SEC23IP: variants seen among roughly 807,000 people sequenced by gnomAD.
SEC23IP encodes SEC23-interacting protein.
A neutral mutation model predicts 113.4 loss-of-function variants in SEC23IP; 70 were observed. The ratio of observed to expected loss-of-function variants is 0.62; its 90% CI spans 0.51 to 0.75. The LOEUF is 0.75. Ranked by LOEUF, SEC23IP falls within the 30% of genes least tolerant of loss-of-function variation. The pLI is 0.00. For synonymous variants in SEC23IP, 398 were observed against 421.0 expected, an observed-to-expected ratio of 0.95 and a Z score of 0.67; for missense variants, 1,160 against 1,204.9, an observed-to-expected ratio of 0.96 and a Z score of 0.55.
chr10:119,914,629 G>T, intron 6 of SEC23IP, 101 bp from the exon 7 acceptor site: 1 of 897,318 alleles, frequency 1.1e-6, no homozygotes. Context: ...GAATTTCTTT[G>T]GCAAGTTTGT....
At chr10:119,931,719 A>C (rs1174507764) in intron 15 of SEC23IP, among the ~76,000 whole-genome samples, 2 of 151,722 alleles carry the variant, frequency 1.3e-5, no homozygotes, top group African/African-American at 2.4e-5. Flanking sequence ...CGCCCGGCTA[A>C]TTTTTTGTAT....
chr10:119,896,025 G>A (rs369408965), intron 1 of SEC23IP, among the ~76,000 whole-genome samples: 4 of 152,170 alleles, frequency 2.6e-5, no homozygotes, highest in African/African-American at 9.7e-5. Flanking sequence ...TTCTCTAGTC[G>A]CACTGGAATA....
In SEC23IP at chr10:119,897,835, T is replaced by TA. The variant is rs35316281; in HGVS notation, c.164-580dup. ...CAACATGGTGAAACTTCATCTCTAC[T>TA]AAAAAAAAAAAATACAAAAATTAGC... On this transcript the variant is annotated intron_variant, in intron 1 of 18. Coordinates refer to ENST00000369075, the MANE Select transcript of SEC23IP (RefSeq NM_007190.4). 3.1e-3 allele frequency among the ~76,000 whole-genome samples: 452 copies of TA among 144,390 alleles called. 1 individual carries two copies. Among genetic ancestry groups the TA allele is most frequent in the African/African-American group, 9.7e-3 (384 of 39,540 alleles). The allele number at this position is 144,390 out of a possible 152,430, so 94.7% of individuals were successfully genotyped here.
intron 4 of SEC23IP, among the ~76,000 whole-genome samples, chr10:119,906,301 A>G (rs1854662940): frequency 1.4e-5 from 2 of 139,706 alleles, no homozygotes; most frequent in African/African-American, 5.4e-5. Flanking sequence ...AAAAAAAAAA[A>G]GAAACGGAGC....
intron 12 of SEC23IP, among the ~76,000 whole-genome samples, chr10:119,924,040 G>A (rs573047941): frequency 3.9e-5 from 6 of 152,326 alleles, no homozygotes; most frequent in African/African-American, 1.4e-4. Context: ...CCCTGAAAAT[G>A]TTCCTTATTT....
chr10:119,905,962 A>G (rs570430050), intron 4 of SEC23IP, among the ~76,000 whole-genome samples: 299 of 152,238 alleles, frequency 2.0e-3, no homozygotes, highest in African/African-American at 6.9e-3. Context: ...AACACTGAAG[A>G]ACGTAAAAGG....
chr10:119,929,691 CGAG>C lies in SEC23IP; in HGVS notation c.2402_2404del (p.Gly801del). 6.2e-7 allele frequency: 1 copy of C among 1,602,268 alleles called. No homozygotes were observed. The highest frequency in any genetic ancestry group is 8.6e-7 in the Non-Finnish European group (1 of 1,169,242). Reference sequence around the variant, plus strand: ...TCCAATTGCTATGTTTCTCACTATTCGAGGAGTTGATAGGATAGATGAGAATTA... The same window carrying C: ...TCCAATTGCTATGTTTCTCACTATTCGAGTTGATAGGATAGATGAGAATTA... On this transcript the variant is annotated inframe_deletion, in exon 14 of 19. Coordinates refer to ENST00000369075, the MANE Select transcript of SEC23IP (RefSeq NM_007190.4).
At chr10:119,930,259 G>A in intron 14 of SEC23IP, 70 bp from the exon 15 acceptor site, 2 of 809,298 alleles carry the variant, frequency 2.5e-6, no homozygotes, top group Middle Eastern at 2.7e-4. Context: ...TTCTTACCCA[G>A]CGAAGGCATA....
chr10:119,943,347 CGGT>C lies in SEC23IP; in HGVS notation c.*2784_*2786del, dbSNP rs1564931863. ...GTGTTCCTGCTGTTGACTGTCCCTGCGGTGCACGGGACAGACTGTCAGCTAACC... is the reference window on the plus strand; with the variant it reads ...GTGTTCCTGCTGTTGACTGTCCCTGCGCACGGGACAGACTGTCAGCTAACC... On this transcript the variant is annotated 3_prime_UTR_variant, in exon 19 of 19. Transcript: ENST00000369075. 1.3e-5 allele frequency: 2 copies of C among 152,286 alleles called. No homozygotes were observed. The highest frequency in any genetic ancestry group is 3.9e-4 in the East Asian group (2 of 5,180). 9.4% of individuals were successfully genotyped at this position (152,286 alleles called of 1,614,324 possible). A position where few individuals can be genotyped will look rare whatever the true frequency, so the allele number is the denominator to read the frequency against.
chr10:119,920,315 A>G (rs1855207910), intron 11 of SEC23IP, among the ~76,000 whole-genome samples: 2 of 152,246 alleles, frequency 1.3e-5, no homozygotes, highest in African/African-American at 4.8e-5. Context: ...AGTGTTTGCA[A>G]GGTAACAAAA....
intron 12 of SEC23IP, 101 bp from the exon 13 acceptor site, chr10:119,925,935 T>A: frequency 6.6e-6 from 6 of 912,192 alleles, no homozygotes; most frequent in Non-Finnish European, 8.2e-6. Flanking sequence ...TCCTAAGAAG[T>A]AGCTAATCAT....
chr10:119,899,406 A>G (rs920801076), intron 2 of SEC23IP, among the ~76,000 whole-genome samples: 2 of 152,338 alleles, frequency 1.3e-5, no homozygotes, highest in Non-Finnish European at 2.9e-5. Flanking sequence ...GTCAAACTCT[A>G]TCTAGGGAGA....
At chr10:119,918,114 A>G (rs1855114254) in intron 9 of SEC23IP, 70 bp downstream of exon 9, 2 of 1,224,058 alleles carry the variant, frequency 1.6e-6, no homozygotes, top group Non-Finnish European at 2.3e-6. Flanking sequence ...AGTGTAGGTG[A>G]TATTGTTAGT....
intron 18 of SEC23IP, 69 bp from the exon 19 acceptor site, chr10:119,940,517 A>T (rs1396428245): frequency 6.6e-6 from 1 of 151,718 alleles, no homozygotes; most frequent in Admixed American, 6.6e-5. Flanking sequence ...CAGAAAAGAC[A>T]ACGATGCATG....
rs570146185 is a variant in SEC23IP, at chr10:119,941,404, T to G, written c.*839T>G. ...TCTTTTTGTTTTCTATTAATTTCAC[T>G]TATACCAAAGTGTTTGAAAGTATGA... On this transcript the variant is annotated 3_prime_UTR_variant, in exon 19 of 19. Transcript: ENST00000369075. 6.6e-6 allele frequency: 1 copy of G among 152,366 alleles called. No individual in the cohort carries two copies. The highest frequency in any genetic ancestry group is 1.9e-4 in the East Asian group (1 of 5,186). 9.4% of individuals were successfully genotyped at this position (152,366 alleles called of 1,614,324 possible). A position where few individuals can be genotyped will look rare whatever the true frequency, so the allele number is the denominator to read the frequency against.
intron 18 of SEC23IP, among the ~76,000 whole-genome samples, chr10:119,938,515 T>TTA (rs1472053086): frequency 6.6e-6 from 1 of 152,198 alleles, no homozygotes; most frequent in Admixed American, 6.5e-5. Flanking sequence ...GGGCATCTTT[T>TTA]TATGGTACAT....
intron 2 of SEC23IP, 63 bp from the exon 3 acceptor site, chr10:119,902,736 G>A (rs1854537185): frequency 7.6e-7 from 1 of 1,310,188 alleles, no homozygotes; most frequent in Admixed American, 1.8e-5. Flanking sequence ...CAGTTTGGGT[G>A]TGAAGCATAT....
chr10:119,892,760 G>A lies in SEC23IP; in HGVS notation c.-23G>A, dbSNP rs373802075. The A allele has an allele frequency of 2.5e-4, 402 of 1,591,326 alleles. 1 individual carries two copies. The highest frequency in any genetic ancestry group is 3.3e-4 in the Non-Finnish European group (380 of 1,168,014). On this transcript the variant is annotated 5_prime_UTR_variant, in exon 1 of 19. Transcript: ENST00000369075. ...TGTGGTACCGGGTACCCGGAGACGT[G>A]TATCGGACGGTGGGCCGCAGCCATG...
rs566457358 is a variant in SEC23IP, at chr10:119,917,772, TA to T, written c.1545-57del. 2.7e-4 allele frequency: 358 copies of T among 1,305,598 alleles called. 1 individual carries two copies. In the South Asian group the frequency reaches 2.8e-3, roughly 10 times the overall value. The allele number at this position is 1,305,598 out of a possible 1,614,324, so 80.9% of individuals were successfully genotyped here. A position where few individuals can be genotyped will look rare whatever the true frequency, so the allele number is the denominator to read the frequency against. On this transcript the variant is annotated intron_variant, in intron 8 of 18. Transcript: ENST00000369075. Reference sequence around the variant, plus strand: ...TTTCAGGAGTCAAAAATCTAAACTTTAAAAAAATCTGTAAATTTAAGGTAGA... The same window carrying T: ...TTTCAGGAGTCAAAAATCTAAACTTTAAAAAATCTGTAAATTTAAGGTAGA...
Sources: gnomAD v4.1 joint callset for allele counts (sites outside exome capture counted in the v4.1 genomes callset) on GRCh38, gnomAD v4.1.1 for gene constraint, MANE v1.5 for transcripts, NCBI Gene and HGNC (gene_info 2026-07-23, HGNC 2026-07-21) for gene names.